Variants in NCAPD3 observed in about 807,000 individuals in gnomAD.
NCAPD3 encodes the protein condensin-2 complex subunit D3.
In NCAPD3, 105 loss-of-function variants were observed where a neutral mutation model predicts 182.9. The observed-to-expected ratio is 0.57, with a 90% CI of 0.49 to 0.68. The LOEUF (loss-of-function observed/expected upper bound fraction) is 0.68. Among genes scored for constraint, NCAPD3 ranks in the 30% least tolerant of loss-of-function variants. The pLI, the probability that NCAPD3 is intolerant of heterozygous loss-of-function variation, is 0.00. For missense variants in NCAPD3, 1,944 were observed against 1,837.0 expected, an observed-to-expected ratio of 1.06 and a Z score of -1.07; for synonymous variants, 815 against 679.9, an observed-to-expected ratio of 1.20 and a Z score of -3.09.
chr11:134,209,481 G>C lies in NCAPD3; in HGVS notation c.568-4C>G. On this transcript the variant is annotated splice_region_variant and splice_polypyrimidine_tract_variant and intron_variant, in intron 4 of 34. Transcript: ENST00000534548. Reference sequence around the variant, plus strand: ...GTTCTTCTATAATTTCATCCATCTAGATTATGAAGAAATGTACAGGTGACT... The same window carrying C: ...GTTCTTCTATAATTTCATCCATCTACATTATGAAGAAATGTACAGGTGACT... The C allele has an allele frequency of 1.2e-6, 2 of 1,607,408 alleles. No homozygotes were observed. Among genetic ancestry groups the C allele is most frequent in the Non-Finnish European group, 1.7e-6 (2 of 1,177,274 alleles).
At chr11:134,222,763 G>A (rs1235615148) in intron 1 of NCAPD3, among the ~76,000 whole-genome samples, 1 of 152,202 alleles carries the variant, frequency 6.6e-6, no homozygotes, top group Non-Finnish European at 1.5e-5. Flanking sequence ...GCAGAAAAGT[G>A]CCTCCCAGCA....
chr11:134,160,192 T>G, intron 28 of NCAPD3, 118 bp from the exon 29 acceptor site: 1 of 994,228 alleles, frequency 1.0e-6, no homozygotes, highest in Non-Finnish European at 1.5e-6. Context: ...CGTGTACCCC[T>G]GAACGCAAAA....
intron 16 of NCAPD3, 83 bp from the exon 17 acceptor site, chr11:134,185,609 T>A: frequency 8.6e-7 from 1 of 1,168,424 alleles, no homozygotes; most frequent in Non-Finnish European, 1.2e-6. Context: ...TGAAAGGGTA[T>A]CAACTTCTGC....
At chr11:134,192,956 G>C (rs773961876) in intron 15 of NCAPD3, 47 bp from the exon 16 acceptor site, 2 of 1,073,016 alleles carry the variant, frequency 1.9e-6, no homozygotes. Flanking sequence ...ATACAAGTCA[G>C]GGAAGTTGTG....
At chr11:134,167,633 CTAGT>C (rs1243425872) in intron 27 of NCAPD3, among the ~76,000 whole-genome samples, 2 of 129,984 alleles carry the variant, frequency 1.5e-5, no homozygotes, top group South Asian at 2.6e-4. Flanking sequence ...GAGGGGCACA[CTAGT>C]GAGATGAGCT....
rs373981479 is a variant in NCAPD3, at chr11:134,168,127, C to T, written c.3442G>A (p.Val1148Ile). ...ASELLSDTFE[V>I]LSSKEIKLLA... ...AGCTTGATCTCCTTTGAGCTGAGGA[C>T]CTCAAACGTGTCTGAGAGTAACTCA... The change falls in exon 27 of 35, where the codon GTC becomes ATC. Residue 1148 changes from valine (V) to isoleucine (I), a missense_variant. By Grantham distance (29) the Val-to-Ile change is conservative (BLOSUM62 3). Coordinates refer to ENST00000534548, the MANE Select transcript of NCAPD3 (RefSeq NM_015261.3). 17 of 1,613,986 alleles carry T rather than the reference C, an allele frequency of 1.1e-5. No individual in the cohort carries two copies. Among genetic ancestry groups the T allele is most frequent in the Non-Finnish European group, 1.3e-5 (15 of 1,179,978 alleles).
At chr11:134,225,113 C>T (rs1938418362), upstream of NCAPD3, 7 of 1,593,788 alleles carry the variant, frequency 4.4e-6, no homozygotes, top group East Asian at 2.3e-5. Flanking sequence ...CCGCCCGGCC[C>T]GGCGGTGCGA....
Position 134,161,942 on chromosome 11 carries a change from A to C in NCAPD3, c.3574-51T>G, listed in dbSNP as rs778102663. 7 of 875,674 alleles carry C rather than the reference A, an allele frequency of 8.0e-6. No individual in the cohort carries two copies. The South Asian group carries it at 1.2e-4, about 15-fold the overall frequency. 54.2% of individuals were successfully genotyped at this position (875,674 alleles called of 1,614,324 possible). ...TTAGATGTATGAACTTCTGAAAGAC[A>C]GGCCTCTCCTTGATCTAGTTCTTTG... On this transcript the variant is annotated intron_variant, in intron 27 of 34. Coordinates refer to ENST00000534548, the MANE Select transcript of NCAPD3 (RefSeq NM_015261.3).
chr11:134,153,647 A>G (rs1177542044), intron 32 of NCAPD3: 2 of 482,266 alleles, frequency 4.1e-6, no homozygotes, highest in Non-Finnish European at 7.6e-6. Flanking sequence ...GCCGTCTTCC[A>G]TCATTGCCCC....
rs75794602 is a variant in NCAPD3, at chr11:134,152,838, C to T, written c.*106G>A. 3.4e-3 allele frequency: 3,002 copies of T among 884,422 alleles called. 65 individuals carry two copies. The African/African-American group carries it at 0.044, about 13-fold the overall frequency. 54.8% of individuals were successfully genotyped at this position (884,422 alleles called of 1,614,324 possible). The stretch of plus-strand genomic sequence containing the variant: ...GGAGCTCTCGTGTTCCACAGCAAAG[C>T]GCTGCCCAAGGACTGCGGGAAGTGA... On this transcript the variant is annotated 3_prime_UTR_variant, in exon 35 of 35. Transcript: ENST00000534548.
At chr11:134,160,227 C>G (rs1023479245) in intron 28 of NCAPD3, among the ~76,000 whole-genome samples, 153 bp from the exon 29 acceptor site, 1 of 152,130 alleles carries the variant, frequency 6.6e-6, no homozygotes, top group Non-Finnish European at 1.5e-5. Flanking sequence ...GAAAAAAGCC[C>G]CCCAAGTCAT....
intron 19 of NCAPD3, among the ~76,000 whole-genome samples, chr11:134,182,619 G>A (rs898331301): frequency 6.6e-6 from 1 of 152,142 alleles, no homozygotes; most frequent in African/African-American, 2.4e-5. Context: ...TGAACTATCA[G>A]CCAGCACACA....
chr11:134,223,906 A>G lies in NCAPD3; in HGVS notation c.21T>C (p.Leu7=), dbSNP rs937724964. ...GACACCAGGGCTGCAGGCCGCTACC[A>G]AGGCCCCGCAACGCCACCATGATCC... The part of the protein sequence containing the change: MVALRG[L]GSGLQPWCPL... Residue 7 remains leucine (L), a synonymous_variant, in exon 1 of 35, where the codon CTT becomes CTC. Transcript: ENST00000534548. 6.2e-7 allele frequency: 1 copy of G among 1,612,520 alleles called. No individual in the cohort carries two copies.
intron 13 of NCAPD3, among the ~76,000 whole-genome samples, chr11:134,202,138 G>T (rs1362213505): frequency 6.6e-6 from 1 of 152,152 alleles, no homozygotes; most frequent in Non-Finnish European, 1.5e-5. Context: ...CCAGATCAAG[G>T]TTTATTGAAT....
chr11:134,205,130 T>C (rs750734415), intron 8 of NCAPD3, among the ~76,000 whole-genome samples, 159 bp from the exon 9 acceptor site: 1 of 152,232 alleles, frequency 6.6e-6, no homozygotes, highest in Non-Finnish European at 1.5e-5. Flanking sequence ...TAAAATGTCA[T>C]CGTAGAAAAC....
At chr11:134,207,032 C>T (rs985461253) in intron 7 of NCAPD3, among the ~76,000 whole-genome samples, 1 of 152,180 alleles carries the variant, frequency 6.6e-6, no homozygotes, top group African/African-American at 2.4e-5. Context: ...AGGGAATTAA[C>T]TGTCATTTAC....
chr11:134,177,133 AAG>A (rs1442511162), intron 23 of NCAPD3, 84 bp downstream of exon 23: 12 of 1,060,112 alleles, frequency 1.1e-5, no homozygotes, highest in Admixed American at 3.6e-5. Context: ...ACTACAAAGC[AAG>A]CACATTTCCT....
At chr11:134,184,878 A>G (rs71486993) in intron 18 of NCAPD3, 25 bp downstream of exon 18, 42,057 of 1,569,762 alleles carry the variant, frequency 0.027, 682 homozygotes, top group Non-Finnish European at 0.032. Context: ...GCATTTTCAC[A>G]TAAGATTCTC....
chr11:134,160,674 C>A (rs998685232), intron 28 of NCAPD3, among the ~76,000 whole-genome samples: 16 of 152,282 alleles, frequency 1.1e-4, no homozygotes, highest in South Asian at 1.0e-3. Context: ...GGCAAGACCA[C>A]TTTGCTAAGA....
Sources: allele counts gnomAD v4.1 joint callset (sites outside exome capture counted in the v4.1 genomes callset), GRCh38; gene constraint gnomAD v4.1.1; transcripts MANE v1.5; gene names NCBI Gene and HGNC (gene_info 2026-07-23, HGNC 2026-07-21).